The following HIVEP3 variants were observed in gnomAD, a reference collection of about 807,000 sequenced individuals.
HIVEP3 encodes transcription factor HIVEP3.
A neutral mutation model predicts 152.8 loss-of-function variants in HIVEP3; 49 were observed. That is an observed-to-expected ratio of 0.32 (90% CI 0.26 to 0.41). The LOEUF (loss-of-function observed/expected upper bound fraction) is 0.41. Ranked by LOEUF, HIVEP3 falls within the 10% of genes least tolerant of loss-of-function variation. The pLI, the probability that HIVEP3 is intolerant of heterozygous loss-of-function variation, is 1.00. For synonymous variants in HIVEP3, 1,269 were observed against 1,289.0 expected, an observed-to-expected ratio of 0.98 and a Z score of 0.33; for missense variants, 2,790 against 3,103.3, an observed-to-expected ratio of 0.90 and a Z score of 2.40.
rs980816187 is a variant in HIVEP3, at chr1:41,810,096, C to T, written c.-801+108317G>A. Among the ~76,000 whole-genome samples, 3 of 152,166 alleles carry T rather than the reference C, an allele frequency of 2.0e-5. 1 individual carries two copies. Among genetic ancestry groups the T allele is most frequent in the Admixed American group, 1.3e-4 (2 of 15,280 alleles). On this transcript the variant is annotated intron_variant, in intron 1 of 8. Transcript: ENST00000372583. ...CAGTGTTCAGGGCCAAAAGCCACAACAAACATTTCAAAGTCAGGCCTCACC... is the reference window on the plus strand; with the variant it reads ...CAGTGTTCAGGGCCAAAAGCCACAATAAACATTTCAAAGTCAGGCCTCACC...
At chr1:41,526,581 C>T (rs1642932181) in intron 5 of HIVEP3, among the ~76,000 whole-genome samples, 1 of 58,360 alleles carries the variant, frequency 1.7e-5, no homozygotes, top group African/African-American at 6.0e-5. Flanking sequence ...ACACATACAC[C>T]CCCACACTCA....
intron 2 of HIVEP3, among the ~76,000 whole-genome samples, chr1:41,673,711 T>C (rs955535807): frequency 3.3e-5 from 5 of 152,314 alleles, no homozygotes; most frequent in Admixed American, 3.3e-4. Flanking sequence ...ACTCCCTAAG[T>C]ATGAATAAAT....
chr1:41,863,515 C>T (rs1174921584), intron 1 of HIVEP3, among the ~76,000 whole-genome samples: 1 of 152,144 alleles, frequency 6.6e-6, no homozygotes. Flanking sequence ...GAGTGGGGAC[C>T]AGACCTTCAG....
chr1:41,710,817 G>A (rs577567083), intron 1 of HIVEP3, among the ~76,000 whole-genome samples: 1 of 152,308 alleles, frequency 6.6e-6, no homozygotes, highest in South Asian at 2.1e-4. Flanking sequence ...CCATAGGATG[G>A]CGGCTGATCA....
At position 41,510,593 on chromosome 1, in the gene HIVEP3, T is replaced by C. The variant is rs776759385; in HGVS notation, c.7079A>G (p.Glu2360Gly). 1.9e-6 allele frequency: 3 copies of C among 1,556,894 alleles called. No individual in the cohort carries two copies. In the Admixed American group the frequency reaches 5.8e-5, roughly 30 times the overall value. ...DRSSSVGCLAEASARFPARTR... is the reference protein window; with the variant it reads ...DRSSSVGCLAGASARFPARTR... ...CCGGGCTGGGAAGCGGGCAGAGGCC[T>C]CTGCCAGGCAGCCCACAGAGCTGCT... The change falls in exon 9 of 9, where the codon GAG becomes GGG. Residue 2360 changes from glutamate (E) to glycine (G), a missense_variant. This residue lies in a region of HIVEP3 where 816 missense variants were observed against 806.5 expected (regional missense o/e 1.01). Transcript: ENST00000372583.
intron 5 of HIVEP3, among the ~76,000 whole-genome samples, chr1:41,552,161 G>GGTT: frequency 6.6e-6 from 1 of 152,204 alleles, no homozygotes; most frequent in African/African-American, 2.4e-5. Flanking sequence ...TTCAGGAGCA[G>GGTT]GTTGTTCAAT....
intron 1 of HIVEP3, among the ~76,000 whole-genome samples, chr1:41,872,945 T>A (rs985059033): frequency 1.2e-4 from 19 of 152,386 alleles, no homozygotes; most frequent in African/African-American, 4.3e-4. Flanking sequence ...ATGCTGTGCA[T>A]GTTTAACTTT....
chr1:41,986,596 A>G (rs1447688447), intron 1 of HIVEP3, among the ~76,000 whole-genome samples: 1 of 152,078 alleles, frequency 6.6e-6, no homozygotes, highest in African/African-American at 2.4e-5. Flanking sequence ...GCCCGCCACC[A>G]CGCCCGGCTA....
chr1:41,895,339 G>T (rs1386770520), intron 1 of HIVEP3, among the ~76,000 whole-genome samples: 1 of 152,126 alleles, frequency 6.6e-6, no homozygotes, highest in African/African-American at 2.4e-5. Context: ...CACACTCCAC[G>T]TGGTCTGGCC....
chr1:41,859,004 C>T (rs906494640), intron 1 of HIVEP3, among the ~76,000 whole-genome samples: 1 of 152,150 alleles, frequency 6.6e-6, no homozygotes, highest in Non-Finnish European at 1.5e-5. Flanking sequence ...GAGTCCTGAC[C>T]CCACTGCTTA....
At chr1:41,516,603 A>G (rs1642613991) in intron 7 of HIVEP3, among the ~76,000 whole-genome samples, 1 of 152,140 alleles carries the variant, frequency 6.6e-6, no homozygotes, top group South Asian at 2.1e-4. Flanking sequence ...CGCCCACGGC[A>G]CAGGCCAGAG....
At chr1:41,730,726 T>G (rs1646827204) in intron 1 of HIVEP3, among the ~76,000 whole-genome samples, 1 of 152,220 alleles carries the variant, frequency 6.6e-6, no homozygotes, top group African/African-American at 2.4e-5. Context: ...CCTCTAATGG[T>G]CCTGATTATC....
chr1:41,532,834 G>A (rs1305591556), intron 5 of HIVEP3, among the ~76,000 whole-genome samples: 1 of 152,164 alleles, frequency 6.6e-6, no homozygotes, highest in Admixed American at 6.5e-5. Flanking sequence ...ACTGAGAAGG[G>A]GATATGTAGA....
At chr1:41,853,243 G>C (rs1161394116) in intron 1 of HIVEP3, among the ~76,000 whole-genome samples, 3 of 152,180 alleles carry the variant, frequency 2.0e-5, no homozygotes, top group Admixed American at 6.5e-5. Flanking sequence ...AATCAGGAAA[G>C]TTTCAGGGAG....
intron 5 of HIVEP3, among the ~76,000 whole-genome samples, chr1:41,570,341 G>T (rs1644233994): frequency 6.6e-6 from 1 of 152,188 alleles, no homozygotes; most frequent in Non-Finnish European, 1.5e-5. Context: ...TGTGTCAAGG[G>T]AGAGACCAGG....
At chr1:41,951,936 T>C (rs1408634291) in intron 1 of HIVEP3, among the ~76,000 whole-genome samples, 1 of 152,144 alleles carries the variant, frequency 6.6e-6, no homozygotes, top group Admixed American at 6.5e-5. Flanking sequence ...GCATACAATA[T>C]ATTTAAATAG....
At chr1:41,946,372 C>T (rs1308180204) in intron 1 of HIVEP3, among the ~76,000 whole-genome samples, 3 of 152,158 alleles carry the variant, frequency 2.0e-5, no homozygotes, top group Non-Finnish European at 4.4e-5. Context: ...CCATTGAGAG[C>T]CAGGAAGTTA....
chr1:41,506,734 A>G lies in HIVEP3; in HGVS notation c.*3717T>C, dbSNP rs1227028324. 1 of 152,180 alleles carries G rather than the reference A, an allele frequency of 6.6e-6. No individual in the cohort carries two copies. The highest frequency in any genetic ancestry group is 1.5e-5 in the Non-Finnish European group (1 of 68,044). The allele number at this position is 152,180 out of a possible 1,614,324, so 9.4% of individuals were successfully genotyped here. A position where few individuals can be genotyped will look rare whatever the true frequency, so the allele number is the denominator to read the frequency against. The stretch of plus-strand genomic sequence containing the variant: ...CCCCATCCCAGTGCGGTTGCTGTAC[A>G]TATCTACAGTACAATTTTTGGAATG... On this transcript the variant is annotated 3_prime_UTR_variant, in exon 9 of 9. Coordinates refer to ENST00000372583, the MANE Select transcript of HIVEP3 (RefSeq NM_024503.5).
intron 5 of HIVEP3, among the ~76,000 whole-genome samples, chr1:41,530,324 G>A (rs1407058217): frequency 6.6e-6 from 1 of 152,222 alleles, no homozygotes; most frequent in East Asian, 1.9e-4. Context: ...CTTAGGAAGG[G>A]CACTCTGTGG....
Sources: gnomAD v4.1 joint callset for allele counts (sites outside exome capture counted in the v4.1 genomes callset) on GRCh38, gnomAD v4.1.1 for gene constraint, gnomAD v4.1.1 regional missense constraint, MANE v1.5 for transcripts, NCBI Gene and HGNC (gene_info 2026-07-23, HGNC 2026-07-21) for gene names.